The following LONRF1 variants were observed in gnomAD, a reference collection of about 807,000 sequenced individuals.
LONRF1 encodes the protein LON peptidase N-terminal domain and RING finger protein 1.
LONRF1 carries 37 observed loss-of-function variants against 85.8 expected under a neutral mutation model. That is an observed-to-expected ratio of 0.43 (90% CI 0.33 to 0.57). The LOEUF is 0.57. Ranked by LOEUF, LONRF1 falls within the 20% of genes least tolerant of loss-of-function variation. The pLI is 0.04. For synonymous variants in LONRF1, 517 were observed against 390.1 expected (o/e 1.33, Z -3.83); for missense variants, 1,036 against 978.0 (o/e 1.06, Z -0.79).
chr8:12,754,786 G>C lies in LONRF1; in HGVS notation c.635C>G (p.Ala212Gly). Residue 212 changes from alanine (A) to glycine (G), a missense_variant, in exon 1 of 12, where the codon GCC becomes GGC. By Grantham distance (60) the Ala-to-Gly change is moderately conservative (BLOSUM62 0). Coordinates refer to ENST00000398246, the MANE Select transcript of LONRF1 (RefSeq NM_152271.5). ...EKWFPGQRERARAAGRLGELL... is the reference protein window; with the variant it reads ...EKWFPGQRERGRAAGRLGELL... ...CTCCCCGAGCCTGCCGGCCGCCCGGGCCCGCTCGCGCTGGCCCGGAAACCA... is the reference window on the plus strand; with the variant it reads ...CTCCCCGAGCCTGCCGGCCGCCCGGCCCCGCTCGCGCTGGCCCGGAAACCA... 6.7e-7 allele frequency: 1 copy of C among 1,483,684 alleles called. No individual in the cohort carries two copies. Among genetic ancestry groups the C allele is most frequent in the Non-Finnish European group, 8.9e-7 (1 of 1,124,100 alleles). The allele number at this position is 1,483,684 out of a possible 1,614,324, so 91.9% of individuals were successfully genotyped here.
intron 10 of LONRF1, among the ~76,000 whole-genome samples, chr8:12,728,677 G>C (rs951645243): frequency 6.6e-6 from 1 of 152,222 alleles, no homozygotes; most frequent in Admixed American, 6.5e-5. Context: ...TGTTAAGCCT[G>C]CAGAAATAAA....
intron 4 of LONRF1, among the ~76,000 whole-genome samples, 188 bp downstream of exon 4, chr8:12,737,807 C>A (rs1161037476): frequency 1.3e-5 from 2 of 152,084 alleles, no homozygotes; most frequent in Admixed American, 6.6e-5. Flanking sequence ...AATTGTGATT[C>A]ATTAGCAAAT....
intron 8 of LONRF1, among the ~76,000 whole-genome samples, chr8:12,730,985 T>C (rs1798506931): frequency 3.3e-5 from 5 of 150,264 alleles, no homozygotes; most frequent in Admixed American, 2.7e-4. Flanking sequence ...TAAAAGAGAG[T>C]AAAAGAAATA....
At position 12,731,741 on chromosome 8, in the gene LONRF1, G is replaced by A. The variant is rs1391147914; in HGVS notation, c.1683C>T (p.Leu561=). ...KKIYDEETAE[L]SHLTKNVPIF... ...TTTTATGAGAAGAAACTTACTGTGA[G>A]AGTTCAGCAGTTTCTTCATCATATA... The change falls in exon 8 of 12, where the codon CTC becomes CTT. Residue 561 remains leucine, a synonymous_variant. Coordinates refer to ENST00000398246, the MANE Select transcript of LONRF1 (RefSeq NM_152271.5). 2.5e-6 allele frequency: 4 copies of A among 1,610,348 alleles called. No homozygotes were observed. In the African/African-American group the frequency reaches 4.0e-5, roughly 16 times the overall value.
Position 12,754,992 on chromosome 8 carries a change from G to A in LONRF1, c.429C>T (p.Cys143=). The change falls in exon 1 of 12, where the codon TGC becomes TGT. Residue 143 remains cysteine, a synonymous_variant. Transcript: ENST00000398246. ...PVTVPCGHSY[C]RRCLRRELRA... ...GGAGTTCCCTCCGCAGGCAGCGGCG[G>A]CAGTAGCTGTGGCCACAGGGCACGG... The A allele has an allele frequency of 1.3e-6, 2 of 1,491,962 alleles. No individual in the cohort carries two copies. The highest frequency in any genetic ancestry group is 8.9e-7 in the Non-Finnish European group (1 of 1,127,474). The allele number at this position is 1,491,962 out of a possible 1,614,324, so 92.4% of individuals were successfully genotyped here.
intron 7 of LONRF1, among the ~76,000 whole-genome samples, chr8:12,734,266 C>T (rs1798636208): frequency 6.6e-6 from 1 of 150,444 alleles, no homozygotes; most frequent in Admixed American, 6.6e-5. Flanking sequence ...TTTTACATAT[C>T]AGCTTGTTAT....
At chr8:12,751,622 T>C (rs1017967406) in intron 1 of LONRF1, among the ~76,000 whole-genome samples, 24 of 151,570 alleles carry the variant, frequency 1.6e-4, no homozygotes, top group African/African-American at 5.8e-4. Flanking sequence ...ACAGAATTAA[T>C]ATTAAAGACA....
rs750222466 is a variant in LONRF1 at position 12,725,892 on chromosome 8, T to C, written c.2011-13A>G. ...CTTCATTCTCAACCTAGAAATACAA[T>C]AGTCAGTAAGACTTCTGTGTCTAAT... On this transcript the variant is annotated splice_polypyrimidine_tract_variant and intron_variant, in intron 10 of 11. Coordinates refer to ENST00000398246, the MANE Select transcript of LONRF1 (RefSeq NM_152271.5). 26 of 1,601,452 alleles carry C rather than the reference T, an allele frequency of 1.6e-5. No individual in the cohort carries two copies. The East Asian group carries it at 3.1e-4, about 19-fold the overall frequency.
At chr8:12,753,864 G>A (rs75395018) in intron 1 of LONRF1, 7 of 152,428 alleles carry the variant, frequency 4.6e-5, no homozygotes, top group African/African-American at 1.7e-4. Context: ...GAAAGGCCAG[G>A]AGAAGCGTGG....
rs776250715 is a variant in LONRF1 at position 12,736,981 on chromosome 8, G to C, written c.1273C>G (p.Leu425Val). The change falls in exon 5 of 12, where the codon CTG becomes GTG. Residue 425 changes from leucine to valine, a missense_variant. Around this residue, in one of 3 missense-constraint regions of LONRF1, gnomAD observed 742 missense variants for 614.4 expected, o/e 1.21. Transcript: ENST00000398246. Reference sequence around the variant, plus strand: ...AAAAGAGACAACTTTCTTTTCAGCAGAACACCTTTTTCTTGAACTGACAGA... The same window carrying C: ...AAAAGAGACAACTTTCTTTTCAGCACAACACCTTTTTCTTGAACTGACAGA... ...PVLSVQEKGV[L>V]LKRKLSLLEQ... 5 of 1,613,434 alleles carry C rather than the reference G, an allele frequency of 3.1e-6. No homozygotes were observed. The highest frequency in any genetic ancestry group is 2.2e-5 in the East Asian group (1 of 44,838).
At chr8:12,753,059 G>A (rs1297267031) in intron 1 of LONRF1, 1 of 152,180 alleles carries the variant, frequency 6.6e-6, no homozygotes, top group Non-Finnish European at 1.5e-5. Context: ...GTACAACTGA[G>A]TCCAGTTTCT....
Position 12,731,866 on chromosome 8 carries a change from C to G in LONRF1, c.1567-9G>C. On this transcript the variant is annotated splice_polypyrimidine_tract_variant and intron_variant, in intron 7 of 11. Coordinates refer to ENST00000398246, the MANE Select transcript of LONRF1 (RefSeq NM_152271.5). ...CTCCTATCTGCTAGATACTAAAAGA[C>G]AATATTATTTTACATTCCAGCAGTG... The G allele has an allele frequency of 6.2e-7, 1 of 1,605,094 alleles. No individual in the cohort carries two copies. The highest frequency in any genetic ancestry group is 1.1e-5 in the South Asian group (1 of 88,932).
chr8:12,730,998 G>T (rs1315892995), intron 8 of LONRF1, among the ~76,000 whole-genome samples: 2 of 151,888 alleles, frequency 1.3e-5, no homozygotes, highest in Non-Finnish European at 2.9e-5. Context: ...AAGAAATAAA[G>T]AAATTAAAAA....
intron 1 of LONRF1, among the ~76,000 whole-genome samples, chr8:12,745,685 G>T (rs1003399060): frequency 6.6e-5 from 10 of 152,170 alleles, no homozygotes; most frequent in Admixed American, 4.6e-4. Context: ...CCCAGCAAGT[G>T]CCTGGCATAT....
intron 4 of LONRF1, chr8:12,737,389 G>A: frequency 3.1e-6 from 2 of 651,936 alleles, no homozygotes; most frequent in Non-Finnish European, 2.8e-6. Context: ...CTAAAAAAAA[G>A]CCTGAACATA....
intron 1 of LONRF1, among the ~76,000 whole-genome samples, chr8:12,745,555 A>G (rs1413030971): frequency 6.6e-6 from 1 of 152,222 alleles, no homozygotes; most frequent in Admixed American, 6.5e-5. Flanking sequence ...GAAAGAGTCA[A>G]CAAGTATTTA....
At chr8:12,730,415 T>A (rs1406483120) in intron 8 of LONRF1, among the ~76,000 whole-genome samples, 1 of 152,134 alleles carries the variant, frequency 6.6e-6, no homozygotes, top group Non-Finnish European at 1.5e-5. Flanking sequence ...TATTTTTGAG[T>A]TTTTTTCAAA....
intron 1 of LONRF1, among the ~76,000 whole-genome samples, chr8:12,747,018 G>T (rs1799186228): frequency 6.6e-6 from 1 of 152,206 alleles, no homozygotes; most frequent in Non-Finnish European, 1.5e-5. Context: ...ATTCAAAGAT[G>T]TTTGAACTCC....
chr8:12,753,387 T>C (rs929659559), intron 1 of LONRF1: 5 of 152,240 alleles, frequency 3.3e-5, no homozygotes, highest in Non-Finnish European at 7.3e-5. Flanking sequence ...TCTGTTTTCT[T>C]GGGGATTATT....
Sources: gnomAD v4.1 joint callset for allele counts (sites outside exome capture counted in the v4.1 genomes callset) on GRCh38, gnomAD v4.1.1 for gene constraint, gnomAD v4.1.1 regional missense constraint, MANE v1.5 for transcripts, NCBI Gene and HGNC (gene_info 2026-07-23, HGNC 2026-07-21) for gene names.